Variants in SMURF2 observed in about 807,000 individuals in gnomAD.
SMURF2 encodes E3 ubiquitin-protein ligase SMURF2.
Under a neutral mutation model 109.6 loss-of-function variants are expected in SMURF2, and 48 were observed. The ratio of observed to expected loss-of-function variants is 0.44; its 90% confidence interval spans 0.35 to 0.56. The LOEUF (loss-of-function observed/expected upper bound fraction) is 0.56. Among genes scored for constraint, SMURF2 ranks in the 20% least tolerant of loss-of-function variants. The pLI, the probability that SMURF2 is intolerant of heterozygous loss-of-function variation, is 0.01. For synonymous variants in SMURF2, 288 were observed against 317.1 expected (o/e 0.91, Z 0.97); for missense variants, 575 against 909.0 (o/e 0.63, Z 4.72).
chr17:64,605,540 T>C (rs1969957221), intron 2 of SMURF2, among the ~76,000 whole-genome samples: 1 of 151,188 alleles, frequency 6.6e-6, no homozygotes, highest in Non-Finnish European at 1.5e-5. Flanking sequence ...CTGGGCAACA[T>C]AGCAAGATCC....
intron 4 of SMURF2, among the ~76,000 whole-genome samples, chr17:64,591,801 A>G (rs1969755122): frequency 1.3e-5 from 2 of 152,224 alleles, no homozygotes; most frequent in Non-Finnish European, 2.9e-5. Flanking sequence ...CCATCTGTCT[A>G]CTTATCTGTG....
In SMURF2 at chr17:64,566,561, G is replaced by GTTTGT. The variant is rs1969305868; in HGVS notation, c.1017-3596_1017-3595insACAAA. Among the ~76,000 whole-genome samples, 9 of 43,802 alleles carry GTTTGT rather than the reference G, an allele frequency of 2.1e-4. 1 individual carries two copies. Among genetic ancestry groups the GTTTGT allele is most frequent in the African/African-American group, 6.8e-4 (9 of 13,310 alleles). The allele number at this position is 43,802 out of a possible 152,430, so 28.7% of individuals were successfully genotyped here. On this transcript the variant is annotated intron_variant, in intron 10 of 18. Transcript: ENST00000262435. Reference sequence around the variant, plus strand: ...GATGTAGAAATGCTTAAGCTTTCTGGTTTTTTTTTTTTTTTTTTTTTTTTT... The same window carrying GTTTGT: ...GATGTAGAAATGCTTAAGCTTTCTGGTTTGTTTTTTTTTTTTTTTTTTTTTTTTTT...
At chr17:64,578,699 T>A in intron 8 of SMURF2, 123 bp from the exon 9 acceptor site, 1 of 633,938 alleles carries the variant, frequency 1.6e-6, no homozygotes, top group Non-Finnish European at 2.7e-6. Flanking sequence ...ATTTTATTTA[T>A]TATCAAAAAA....
chr17:64,617,891 A>G (rs1970147439), intron 1 of SMURF2, among the ~76,000 whole-genome samples: 1 of 152,218 alleles, frequency 6.6e-6, no homozygotes, highest in Non-Finnish European at 1.5e-5. Context: ...AAACATGCGT[A>G]CTTTTTACAT....
At chr17:64,550,167 G>A (rs73333930) in intron 16 of SMURF2, among the ~76,000 whole-genome samples, 277 of 152,330 alleles carry the variant, frequency 1.8e-3, no homozygotes, top group African/African-American at 6.3e-3. Flanking sequence ...CAAAAGGAAT[G>A]GGGAGAGTAT....
At chr17:64,564,001 T>A (rs1969265210) in intron 10 of SMURF2, among the ~76,000 whole-genome samples, 1 of 152,100 alleles carries the variant, frequency 6.6e-6, no homozygotes, top group Admixed American at 6.6e-5. Flanking sequence ...AAAGCATATA[T>A]CAGATATGTA....
intron 12 of SMURF2, among the ~76,000 whole-genome samples, chr17:64,559,696 A>T (rs2144600826): frequency 6.6e-6 from 1 of 151,948 alleles, no homozygotes; most frequent in African/African-American, 2.4e-5. Context: ...ACTTGAGGCC[A>T]GGAGTTTGAG....
chr17:64,550,004 C>A (rs1478657439), intron 16 of SMURF2, among the ~76,000 whole-genome samples: 22 of 152,078 alleles, frequency 1.4e-4, no homozygotes, highest in African/African-American at 5.3e-4. Flanking sequence ...CTCCTAAATT[C>A]TTTTCTTCAG....
chr17:64,559,343 C>A (rs1299130677), intron 12 of SMURF2, among the ~76,000 whole-genome samples: 1 of 152,038 alleles, frequency 6.6e-6, no homozygotes, highest in Non-Finnish European at 1.5e-5. Context: ...TGACTGTAAT[C>A]CCAGCACTTT....
chr17:64,585,151 C>A (rs1555686971), intron 6 of SMURF2, among the ~76,000 whole-genome samples: 1 of 152,054 alleles, frequency 6.6e-6, no homozygotes, highest in Non-Finnish European at 1.5e-5. Flanking sequence ...AGTTATATCT[C>A]ATCGAAGTTA....
chr17:64,629,245 A>G (rs1555691397), intron 1 of SMURF2, among the ~76,000 whole-genome samples: 1 of 152,208 alleles, frequency 6.6e-6, no homozygotes. Context: ...GTACACCTAT[A>G]ATCCCAGCAC....
At chr17:64,621,210 G>A (rs782610318) in intron 1 of SMURF2, among the ~76,000 whole-genome samples, 1 of 152,294 alleles carries the variant, frequency 6.6e-6, no homozygotes, top group East Asian at 1.9e-4. Flanking sequence ...AAGTGCAAAG[G>A]TATTTAGCTT....
chr17:64,645,758 C>T (rs1161129202), intron 1 of SMURF2, among the ~76,000 whole-genome samples: 4 of 152,188 alleles, frequency 2.6e-5, no homozygotes, highest in Non-Finnish European at 4.4e-5. Flanking sequence ...AGACATATGC[C>T]ACCACACCCA....
At chr17:64,657,824 TA>T (rs1970724747) in intron 1 of SMURF2, among the ~76,000 whole-genome samples, 1 of 151,926 alleles carries the variant, frequency 6.6e-6, no homozygotes, top group Admixed American at 6.6e-5. Context: ...GTTGTGATAG[TA>T]ATAGCTCAAC....
chr17:64,628,515 A>G (rs1555691337), intron 1 of SMURF2, among the ~76,000 whole-genome samples: 1 of 152,202 alleles, frequency 6.6e-6, no homozygotes, highest in Admixed American at 6.5e-5. Context: ...ATGTCTAATA[A>G]GTACTATGGC....
chr17:64,572,778 T>TC (rs1969416426), intron 9 of SMURF2: 1 of 152,146 alleles, frequency 6.6e-6, no homozygotes, highest in African/African-American at 2.4e-5. Context: ...AAGCATTGCT[T>TC]CCATTTGGCT....
chr17:64,595,035 G>T lies in SMURF2; in HGVS notation c.201-1462C>A, dbSNP rs192922278. 2.6e-4 allele frequency among the ~76,000 whole-genome samples: 40 copies of T among 152,206 alleles called. No homozygotes were observed. In the East Asian group the frequency reaches 7.3e-3, roughly 28 times the overall value. On this transcript the variant is annotated intron_variant, in intron 3 of 18. Coordinates refer to ENST00000262435, the MANE Select transcript of SMURF2 (RefSeq NM_022739.4). ...TTACGTTAAACCAGTTGTCCAACTAGTAAGCCTGGTTTACAGGTATGCTGA... is the reference window on the plus strand; with the variant it reads ...TTACGTTAAACCAGTTGTCCAACTATTAAGCCTGGTTTACAGGTATGCTGA...
At chr17:64,651,425 A>C (rs1181576726) in intron 1 of SMURF2, among the ~76,000 whole-genome samples, 2 of 150,698 alleles carry the variant, frequency 1.3e-5, no homozygotes, top group Admixed American at 6.6e-5. Context: ...TATAAAAATT[A>C]CACGGGCATG....
At chr17:64,546,714 G>C (rs1211736926) in intron 17 of SMURF2, among the ~76,000 whole-genome samples, 1 of 152,214 alleles carries the variant, frequency 6.6e-6, no homozygotes, top group Admixed American at 6.5e-5. Flanking sequence ...TGCAAATTTA[G>C]ATTTCATGAC....
Sources: gnomAD v4.1 joint callset for allele counts (sites outside exome capture counted in the v4.1 genomes callset) on GRCh38, gnomAD v4.1.1 for gene constraint, MANE v1.5 for transcripts, NCBI Gene and HGNC (gene_info 2026-07-23, HGNC 2026-07-21) for gene names.